AREL1: variants seen among roughly 807,000 people sequenced by gnomAD.
The protein encoded by AREL1 is apoptosis resistant E3 ubiquitin protein ligase 1, also known as apoptosis-resistant E3 ubiquitin protein ligase 1.
A neutral mutation model predicts 99.0 loss-of-function variants in AREL1; 62 were observed. The observed-to-expected ratio is 0.63, with a 90% CI of 0.51 to 0.77. The LOEUF is 0.77. AREL1 is among the 30% of genes least tolerant of loss of function. The pLI is 0.00. For missense variants in AREL1, 879 were observed against 1,027.6 expected (o/e 0.86, Z 1.98); for synonymous variants, 380 against 376.5 (o/e 1.01, Z -0.11).
At chr14:74,695,501 A>G (rs1162624141) in intron 1 of AREL1, among the ~76,000 whole-genome samples, 2 of 152,142 alleles carry the variant, frequency 1.3e-5, no homozygotes, top group African/African-American at 2.4e-5. Flanking sequence ...ACCGTGAGCT[A>G]CCATGCTCAC....
Position 74,702,539 on chromosome 14 carries a change from T to G in AREL1, c.-333-10211A>C, listed in dbSNP as rs143783088. 2.0e-3 allele frequency among the ~76,000 whole-genome samples: 302 copies of G among 152,204 alleles called. 1 individual carries two copies. Among genetic ancestry groups the G allele is most frequent in the African/African-American group, 7.1e-3 (295 of 41,514 alleles). ...CCTGGGCCCTGCCTTCAAAACCATT[T>G]TTTCCTCCTAGGCCTCCAGGTCTGT... is the stretch of plus-strand genomic sequence containing the variant. On this transcript the variant is annotated intron_variant, in intron 1 of 19. Transcript: ENST00000356357.
chr14:74,698,844 T>C, intron 1 of AREL1: 1 of 193,046 alleles, frequency 5.2e-6, no homozygotes, highest in Non-Finnish European at 1.1e-5. Flanking sequence ...GGTAACATAG[T>C]GAGATCCCAT....
chr14:74,676,784 T>C (rs1566685723), intron 5 of AREL1, 32 bp from the exon 6 acceptor site: 2 of 1,461,110 alleles, frequency 1.4e-6, no homozygotes, highest in Non-Finnish European at 1.8e-6. Context: ...CTAACATTTA[T>C]TTATTTTATT....
rs913832968 is a variant in AREL1 at position 74,679,915 on chromosome 14, G to A, written c.482-3163C>T. On this transcript the variant is annotated intron_variant, in intron 5 of 19. Transcript: ENST00000356357. Reference sequence around the variant, plus strand: ...AAAAGGGCCAGGTGTGGTGGCTCACGCCTGTAATCCCAGCACTTTTTGGGG... The same window carrying A: ...AAAAGGGCCAGGTGTGGTGGCTCACACCTGTAATCCCAGCACTTTTTGGGG... Among the ~76,000 whole-genome samples the A allele has an allele frequency of 8.5e-5, 13 of 152,112 alleles. No individual in the cohort carries two copies. In the East Asian group the frequency reaches 1.2e-3, roughly 14 times the overall value.
At chr14:74,698,143 G>A (rs766882443) in intron 1 of AREL1, among the ~76,000 whole-genome samples, 7 of 152,012 alleles carry the variant, frequency 4.6e-5, no homozygotes, top group Non-Finnish European at 4.4e-5. Context: ...CTCTGCTCCC[G>A]GCACCAAGGA....
At chr14:74,670,707 T>C in intron 13 of AREL1, 55 bp downstream of exon 13, 1 of 1,470,790 alleles carries the variant, frequency 6.8e-7, no homozygotes. Context: ...GAATCCTTGT[T>C]AGTCTACCCA....
chr14:74,680,958 G>C (rs973761762), intron 5 of AREL1, among the ~76,000 whole-genome samples: 4 of 152,192 alleles, frequency 2.6e-5, no homozygotes, highest in African/African-American at 9.7e-5. Flanking sequence ...CAAGGCAGGA[G>C]GATTGCTTGA....
intron 1 of AREL1, among the ~76,000 whole-genome samples, chr14:74,703,353 T>C (rs888844415): frequency 1.3e-5 from 2 of 152,126 alleles, no homozygotes; most frequent in Non-Finnish European, 2.9e-5. Context: ...TTCACTACCA[T>C]GAGAACAGTA....
intron 2 of AREL1, among the ~76,000 whole-genome samples, chr14:74,690,264 C>CAAAAAAA (rs5809676): frequency 8.2e-5 from 6 of 73,122 alleles, no homozygotes; most frequent in African/African-American, 3.6e-4. Context: ...ACCCTGTCTC[C>CAAAAAAA]AAAAAAAAAA....
Position 74,675,699 on chromosome 14 carries a change from C to T in AREL1, c.1080G>A (p.Lys360=), listed in dbSNP as rs1432717629. 1.2e-6 allele frequency: 2 copies of T among 1,613,074 alleles called. No individual in the cohort carries two copies. Among genetic ancestry groups the T allele is most frequent in the South Asian group, 1.1e-5 (1 of 91,002 alleles). The change falls in exon 8 of 20, where the codon AAG becomes AAA. Residue 360 remains lysine (K), a splice_region_variant and synonymous_variant. Transcript: ENST00000356357. ...TTATGTCGAGAATGGAAGGTCCAACCTTTGGTGACACATAGCAGTACACCT... is the reference window on the plus strand; with the variant it reads ...TTATGTCGAGAATGGAAGGTCCAACTTTTGGTGACACATAGCAGTACACCT... ...PKKVYCYVSP[K]QFSVKEFYLK... is the part of the protein sequence containing the mutation.
At chr14:74,674,243 T>C (rs2089421699) in intron 8 of AREL1, 132 bp from the exon 9 acceptor site, 1 of 699,282 alleles carries the variant, frequency 1.4e-6, no homozygotes, top group Non-Finnish European at 2.4e-6. Context: ...AAAGTAATAA[T>C]TTAGTGAGTA....
At chr14:74,707,021 A>G (rs931239749) in intron 1 of AREL1, among the ~76,000 whole-genome samples, 7 of 152,214 alleles carry the variant, frequency 4.6e-5, no homozygotes, top group African/African-American at 1.7e-4. Context: ...CTTGGACCAC[A>G]TACATAGCAC....
chr14:74,702,243 A>C (rs1404967053), intron 1 of AREL1, among the ~76,000 whole-genome samples: 1 of 152,162 alleles, frequency 6.6e-6, no homozygotes, highest in Non-Finnish European at 1.5e-5. Flanking sequence ...GCCCTAGCAG[A>C]GGTTCTCCAT....
intron 11 of AREL1, 49 bp downstream of exon 11, chr14:74,672,782 T>G: frequency 6.2e-7 from 1 of 1,611,432 alleles, no homozygotes; most frequent in Non-Finnish European, 8.5e-7. Flanking sequence ...ATATAGACAT[T>G]CAATTGGAAA....
Position 74,672,968 on chromosome 14 carries a change from A to G in AREL1, c.1301-16T>C. 2 of 1,614,148 alleles carry G rather than the reference A, an allele frequency of 1.2e-6. 1 individual carries two copies. The highest frequency in any genetic ancestry group is 2.2e-5 in the South Asian group (2 of 91,082). On this transcript the variant is annotated splice_polypyrimidine_tract_variant and intron_variant, in intron 10 of 19. Coordinates refer to ENST00000356357, the MANE Select transcript of AREL1 (RefSeq NM_001039479.2). Reference sequence around the variant, plus strand: ...TCAGAGCCTCCTGGGGAACAGCAAGATCCATCATTACAGCCTCATTACAAG... The same window carrying G: ...TCAGAGCCTCCTGGGGAACAGCAAGGTCCATCATTACAGCCTCATTACAAG...
Position 74,672,859 on chromosome 14 carries a change from T to C in AREL1, c.1394A>G (p.Lys465Arg). 1 of 1,614,246 alleles carries C rather than the reference T, an allele frequency of 6.2e-7. No individual in the cohort carries two copies. The highest frequency in any genetic ancestry group is 8.5e-7 in the Non-Finnish European group (1 of 1,180,036). The change falls in exon 11 of 20, where the codon AAG becomes AGG. Residue 465 changes from lysine to arginine, a missense_variant. By Grantham distance (26) the Lys-to-Arg change is conservative. Transcript: ENST00000356357. ...MKRPHSKVTL[K>R]VSRHALLESS... Reference sequence around the variant, plus strand: ...TTCCAACAAGGCATGTCTGCTGACCTTCAGGGTGACTTTGGAATGTGGTCT... The same window carrying C: ...TTCCAACAAGGCATGTCTGCTGACCCTCAGGGTGACTTTGGAATGTGGTCT...
chr14:74,668,745 C>T (rs181738705), intron 15 of AREL1, among the ~76,000 whole-genome samples: 1 of 152,230 alleles, frequency 6.6e-6, no homozygotes, highest in East Asian at 1.9e-4. Context: ...TCAATCATTC[C>T]TATTCTGCTT....
intron 5 of AREL1, chr14:74,678,100 TA>T (rs1243412319): frequency 2.4e-6 from 1 of 420,284 alleles, no homozygotes; most frequent in Non-Finnish European, 4.6e-6. Flanking sequence ...AAGATTATTC[TA>T]AAATTTAAAT....
intron 9 of AREL1, among the ~76,000 whole-genome samples, chr14:74,673,532 AG>A: frequency 6.6e-6 from 1 of 152,260 alleles, no homozygotes; most frequent in Non-Finnish European, 1.5e-5. Flanking sequence ...AAATAGCAAT[AG>A]TAAGGATATA....
Sources: gnomAD v4.1 joint callset for allele counts (sites outside exome capture counted in the v4.1 genomes callset) on GRCh38, gnomAD v4.1.1 for gene constraint, MANE v1.5 for transcripts, NCBI Gene and HGNC (gene_info 2026-07-23, HGNC 2026-07-21) for gene names.